FAM234A: variants seen among roughly 807,000 people sequenced by gnomAD.
The protein encoded by FAM234A is family with sequence similarity 234 member A.
In FAM234A, 42 loss-of-function variants were observed where a neutral mutation model predicts 49.1. The observed-to-expected ratio is 0.86, with a 90% CI of 0.67 to 1.11. The LOEUF (loss-of-function observed/expected upper bound fraction) is 1.11. Ranked by LOEUF, FAM234A falls within the 50% of genes least tolerant of loss-of-function variation. FAM234A has a pLI of 0.00. For missense variants in FAM234A, 815 were observed against 745.2 expected, an observed-to-expected ratio of 1.09 and a Z score of -1.09; for synonymous variants, 369 against 316.2, an observed-to-expected ratio of 1.17 and a Z score of -1.77.
chr16:250,307 TCTC>T (rs552868626), intron 2 of FAM234A, among the ~76,000 whole-genome samples: 226 of 152,274 alleles, frequency 1.5e-3, no homozygotes, highest in African/African-American at 5.2e-3. Flanking sequence ...TTAATGGCCG[TCTC>T]CTCTTCTTCC....
At chr16:266,416 G>T (rs2051694628), downstream of FAM234A, among the ~76,000 whole-genome samples, 1 of 152,208 alleles carries the variant, frequency 6.6e-6, no homozygotes, top group African/African-American at 2.4e-5. Context: ...TGACGTCTGA[G>T]GGCTGGCTGG....
intron 1 of FAM234A, among the ~76,000 whole-genome samples, chr16:236,069 C>T (rs1171067569): frequency 6.6e-6 from 1 of 152,204 alleles, no homozygotes; most frequent in South Asian, 2.1e-4. Flanking sequence ...TCTCCCCACT[C>T]AGCCTCCCAA....
At chr16:257,684 G>A (rs1389603871) in intron 3 of FAM234A, among the ~76,000 whole-genome samples, 1 of 151,650 alleles carries the variant, frequency 6.6e-6, no homozygotes, top group Non-Finnish European at 1.5e-5. Flanking sequence ...TTTTGTGCAT[G>A]ACGTAAAGAT....
In FAM234A at chr16:263,428, C is replaced by G. The variant is rs762489682; in HGVS notation, c.1112+26C>G. 1.2e-5 allele frequency: 19 copies of G among 1,602,810 alleles called. No individual in the cohort carries two copies. The East Asian group carries it at 4.2e-4, about 36-fold the overall frequency. On this transcript the variant is annotated intron_variant, in intron 9 of 12. Coordinates refer to ENST00000399932, the MANE Select transcript of FAM234A (RefSeq NM_032039.4). ...GTACAGGGTTTCCCCAAGGACCGCG[C>G]AGGTGCTGCACCCCTTCCCGGCATC...
chr16:249,386 A>G (rs1282913299), intron 1 of FAM234A, among the ~76,000 whole-genome samples, 163 bp from the exon 2 acceptor site: 1 of 152,002 alleles, frequency 6.6e-6, no homozygotes, highest in Non-Finnish European at 1.5e-5. Flanking sequence ...AAAGTGGCCA[A>G]CTTAGTCCTT....
intron 3 of FAM234A, among the ~76,000 whole-genome samples, chr16:254,998 GGC>G: frequency 6.6e-6 from 1 of 152,162 alleles, no homozygotes; most frequent in African/African-American, 2.4e-5. Context: ...TGGGATTACA[GGC>G]GTGCAGCACC....
chr16:246,350 C>T (rs1596769149), intron 1 of FAM234A, among the ~76,000 whole-genome samples: 1 of 144,308 alleles, frequency 6.9e-6, no homozygotes, highest in South Asian at 2.2e-4. Context: ...GCAGTCTCGG[C>T]TCACCGCAAC....
rs1461406217 is a variant in FAM234A, at chr16:254,578, A to T, written c.165A>T (p.Ser55=). 6.2e-7 allele frequency: 1 copy of T among 1,613,828 alleles called. No homozygotes were observed. The highest frequency in any genetic ancestry group is 2.2e-5 in the East Asian group (1 of 44,878). The change falls in exon 3 of 13, where the codon TCA becomes TCT. Residue 55 remains serine, a synonymous_variant. Transcript: ENST00000399932. ...GCCGAGCGGCGGCGTTTTTTCTTTCATTGTTTCTCTGCCTTTTTGTGGTGT... is the reference window on the plus strand; with the variant it reads ...GCCGAGCGGCGGCGTTTTTTCTTTCTTTGTTTCTCTGCCTTTTTGTGGTGT... ...SRCRAAAFFL[S]LFLCLFVVFV...
chr16:269,600 G>A (rs780332060), downstream of FAM234A: 87 of 1,602,154 alleles, frequency 5.4e-5, no homozygotes, highest in Middle Eastern at 6.6e-4. Flanking sequence ...AAGAGACAGC[G>A]TCCAGCCCCT....
intron 5 of FAM234A, 32 bp from the exon 6 acceptor site, chr16:261,352 G>C: frequency 6.3e-7 from 1 of 1,595,092 alleles, no homozygotes; most frequent in East Asian, 2.3e-5. Flanking sequence ...GGGACTCAGG[G>C]CCACGTTCCG....
chr16:257,828 G>C (rs1269757948), intron 3 of FAM234A, among the ~76,000 whole-genome samples: 1 of 151,972 alleles, frequency 6.6e-6, no homozygotes, highest in African/African-American at 2.4e-5. Flanking sequence ...TCTAAAATAA[G>C]GGGGACGGGG....
downstream of FAM234A, among the ~76,000 whole-genome samples, chr16:268,037 C>T (rs1323858336): frequency 6.7e-6 from 1 of 149,724 alleles, no homozygotes; most frequent in Non-Finnish European, 1.5e-5. Context: ...CCTCACAGTA[C>T]ACCTGCACAC....
intron 2 of FAM234A, among the ~76,000 whole-genome samples, chr16:251,685 T>G (rs945518914): frequency 9.4e-5 from 13 of 138,136 alleles, no homozygotes; most frequent in Non-Finnish European, 1.8e-4. Context: ...CCAGGTTTTT[T>G]TTTTTTTTTT....
chr16:248,631 G>GT (rs1567213067), intron 1 of FAM234A, among the ~76,000 whole-genome samples: 1 of 151,942 alleles, frequency 6.6e-6, no homozygotes, highest in African/African-American at 2.4e-5. Context: ...AGTTTTGTGG[G>GT]TTTTTTTGAA....
At chr16:253,979 ACCTGGGTCAC>A (rs2051123935) in intron 2 of FAM234A, 1 of 209,724 alleles carries the variant, frequency 4.8e-6, no homozygotes, top group Non-Finnish European at 9.7e-6. Context: ...ATGTGTGCGC[ACCTGGGTCAC>A]CTTTTCCATC....
At chr16:255,946 GAGCCAC>G (rs1161765101) in intron 3 of FAM234A, among the ~76,000 whole-genome samples, 1 of 152,218 alleles carries the variant, frequency 6.6e-6, no homozygotes, top group Non-Finnish European at 1.5e-5. Context: ...TTACCGGCGT[GAGCCAC>G]CGCGCCCGGC....
At chr16:255,639 A>C (rs1400283615) in intron 3 of FAM234A, among the ~76,000 whole-genome samples, 1 of 152,184 alleles carries the variant, frequency 6.6e-6, no homozygotes, top group African/African-American at 2.4e-5. Context: ...AGCCCTGGGC[A>C]ACCTAGTCTC....
chr16:265,825 C>T lies in FAM234A; in HGVS notation c.*803C>T, dbSNP rs2051675407. On this transcript the variant is annotated 3_prime_UTR_variant, in exon 13 of 13. Coordinates refer to ENST00000399932, the MANE Select transcript of FAM234A (RefSeq NM_032039.4). The stretch of plus-strand genomic sequence containing the variant: ...GGTCAGTCTGTGCCCTCTCAGTAGA[C>T]ACTGGAGCTGCTCTGTCCCTGAAGA... 53 of 985,726 alleles carry T rather than the reference C, an allele frequency of 5.4e-5. No homozygotes were observed. Among genetic ancestry groups the T allele is most frequent in the Non-Finnish European group, 6.4e-5 (53 of 830,018 alleles). The allele number at this position is 985,726 out of a possible 1,614,324, so 61.1% of individuals were successfully genotyped here. A position where few individuals can be genotyped will look rare whatever the true frequency, so the allele number is the denominator to read the frequency against.
chr16:265,457 C>T lies in FAM234A; in HGVS notation c.*435C>T, dbSNP rs377724657. 2.0e-6 allele frequency: 2 copies of T among 1,000,106 alleles called. No homozygotes were observed. The highest frequency in any genetic ancestry group is 4.5e-5 in the South Asian group (1 of 22,162). 62.0% of individuals were successfully genotyped at this position (1,000,106 alleles called of 1,614,324 possible). ...TCCCCGGGACAGGCCGTCCCCCACC[C>T]CATCCTGTAGAAGTCCATTCCCCTT... On this transcript the variant is annotated 3_prime_UTR_variant, in exon 13 of 13. Coordinates refer to ENST00000399932, the MANE Select transcript of FAM234A (RefSeq NM_032039.4).
Sources: gnomAD v4.1 joint callset for allele counts (sites outside exome capture counted in the v4.1 genomes callset) on GRCh38, gnomAD v4.1.1 for gene constraint, MANE v1.5 for transcripts, NCBI Gene and HGNC (gene_info 2026-07-23, HGNC 2026-07-21) for gene names.